The following DEPDC5 variants were observed in gnomAD, a reference collection of about 807,000 sequenced individuals.
DEPDC5 encodes the protein GATOR1 complex protein DEPDC5.
In DEPDC5, 73 loss-of-function variants were observed where a neutral mutation model predicts 217.3. The ratio of observed to expected loss-of-function variants is 0.34; its 90% CI spans 0.28 to 0.41. The LOEUF (loss-of-function observed/expected upper bound fraction) is 0.41. Ranked by LOEUF, DEPDC5 falls within the 10% of genes least tolerant of loss-of-function variation. The pLI, the probability that DEPDC5 is intolerant of heterozygous loss-of-function variation, is 1.00. For missense variants in DEPDC5, 1,675 were observed against 2,070.1 expected, an observed-to-expected ratio of 0.81 and a Z score of 3.70; for synonymous variants, 733 against 756.7, an observed-to-expected ratio of 0.97 and a Z score of 0.51.
intron 8 of DEPDC5, among the ~76,000 whole-genome samples, chr22:31,783,287 A>C (rs2084645351): frequency 6.6e-6 from 1 of 152,108 alleles, no homozygotes; most frequent in African/African-American, 2.4e-5. Context: ...TTCACAATAT[A>C]TCTTGCTGCT....
At chr22:31,756,068 A>G (rs1281361611) in intron 2 of DEPDC5, among the ~76,000 whole-genome samples, 2 of 136,806 alleles carry the variant, frequency 1.5e-5, no homozygotes, top group Non-Finnish European at 3.1e-5. Flanking sequence ...GTATTTTAGT[A>G]GAGAGGGTTT....
chr22:31,905,844 G>C (rs1387870820), intron 41 of DEPDC5, 140 bp from the exon 42 acceptor site: 3 of 723,520 alleles, frequency 4.1e-6, no homozygotes, highest in Non-Finnish European at 6.8e-6. Context: ...AAAATAAGCA[G>C]CCTGCATGTG....
chr22:31,820,751 T>C (rs1380331720), intron 22 of DEPDC5, among the ~76,000 whole-genome samples: 1 of 152,236 alleles, frequency 6.6e-6, no homozygotes, highest in Non-Finnish European at 1.5e-5. Flanking sequence ...TACACTTTAT[T>C]GGAACCATAT....
intron 37 of DEPDC5, among the ~76,000 whole-genome samples, chr22:31,877,459 A>C (rs990507854): frequency 1.4e-5 from 2 of 145,926 alleles, no homozygotes; most frequent in Admixed American, 6.8e-5. Flanking sequence ...AAAAAAAAAA[A>C]AAAAAAAACA....
At chr22:31,812,975 G>A (rs1420450106) in intron 20 of DEPDC5, among the ~76,000 whole-genome samples, 1 of 152,032 alleles carries the variant, frequency 6.6e-6, no homozygotes, top group African/African-American at 2.4e-5. Flanking sequence ...CCCGACCCCA[G>A]GTGATCCACC....
chr22:31,894,482 G>C (rs2093506890), intron 39 of DEPDC5: 1 of 152,052 alleles, frequency 6.6e-6, no homozygotes, highest in African/African-American at 2.4e-5. Flanking sequence ...CCAGTCCCCT[G>C]TTAATAAACA....
chr22:31,832,977 C>G (rs1273756895), intron 24 of DEPDC5, among the ~76,000 whole-genome samples: 1 of 152,140 alleles, frequency 6.6e-6, no homozygotes, highest in East Asian at 1.9e-4. Context: ...CTTTTACCTC[C>G]TATCCCTTCC....
chr22:31,820,517 A>C (rs1020206065), intron 22 of DEPDC5, among the ~76,000 whole-genome samples: 2 of 152,180 alleles, frequency 1.3e-5, no homozygotes, highest in Non-Finnish European at 2.9e-5. Flanking sequence ...ATAAGTGAGA[A>C]ATAGATCTGA....
At chr22:31,881,962 GAAA>G (rs530475337) in intron 38 of DEPDC5, among the ~76,000 whole-genome samples, 4 of 101,758 alleles carry the variant, frequency 3.9e-5, no homozygotes, top group Admixed American at 1.1e-4. Context: ...GACTCCATCT[GAAA>G]AAAAAAAAAA....
intron 31 of DEPDC5, among the ~76,000 whole-genome samples, chr22:31,856,155 G>GCGCGCACACACACACACA (rs1226909374): frequency 2.1e-5 from 3 of 140,568 alleles, no homozygotes; most frequent in African/African-American, 8.0e-5. Context: ...GGGCCAACGC[G>GCGCGCACACACACACACA]CACACACACA....
rs751819239 is a variant in DEPDC5 at position 31,893,765 on chromosome 22, T to C, written c.4203+14T>C. ...CTCTTCGAGATGGTGAGAACCTTCA[T>C]GCATGTTGTCAGGCCTTTGGCTCAC... On this transcript the variant is annotated intron_variant, in intron 39 of 42. Coordinates refer to ENST00000651528, the MANE Select transcript of DEPDC5 (RefSeq NM_001242896.3). The C allele has an allele frequency of 1.3e-6, 2 of 1,585,860 alleles. No homozygotes were observed. The highest frequency in any genetic ancestry group is 4.6e-5 in the East Asian group (2 of 43,560).
At chr22:31,804,584 C>T (rs1033577755) in intron 16 of DEPDC5, among the ~76,000 whole-genome samples, 2 of 152,156 alleles carry the variant, frequency 1.3e-5, no homozygotes, top group African/African-American at 2.4e-5. Flanking sequence ...TGATTACAGG[C>T]GCCTGCCACC....
chr22:31,818,967 T>G, intron 21 of DEPDC5, 55 bp from the exon 22 acceptor site: 1 of 1,589,654 alleles, frequency 6.3e-7, no homozygotes, highest in Non-Finnish European at 8.6e-7. Flanking sequence ...CTAGCTCTGG[T>G]TTCACTGTGG....
rs1438275447 is a variant in DEPDC5 at position 31,801,789 on chromosome 22, CTA to C, written c.947-913_947-912del. On this transcript the variant is annotated intron_variant, in intron 14 of 42. Coordinates refer to ENST00000651528, the MANE Select transcript of DEPDC5 (RefSeq NM_001242896.3). ...GAAGTGATGATACGCGTACACATCACTATGTATATCATCTTCCCACATGTCTG... is the reference window on the plus strand; with the variant it reads ...GAAGTGATGATACGCGTACACATCACTGTATATCATCTTCCCACATGTCTG... 2.0e-5 allele frequency among the ~76,000 whole-genome samples: 3 copies of C among 152,140 alleles called. No homozygotes were observed. In the East Asian group the frequency reaches 5.8e-4, roughly 29 times the overall value.
At chr22:31,770,429 G>A (rs2083238010) in intron 7 of DEPDC5, among the ~76,000 whole-genome samples, 1 of 151,008 alleles carries the variant, frequency 6.6e-6, no homozygotes, top group Non-Finnish European at 1.5e-5. Context: ...CACCCAGGCT[G>A]GAGTGCAGTG....
chr22:31,765,140 G>T, intron 5 of DEPDC5, 80 bp downstream of exon 5: 3 of 1,111,074 alleles, frequency 2.7e-6, no homozygotes, highest in Non-Finnish European at 4.1e-6. Context: ...GAAACAATGG[G>T]TTACTTAAGT....
intron 38 of DEPDC5, among the ~76,000 whole-genome samples, chr22:31,892,647 G>A (rs1569220638): frequency 6.6e-6 from 1 of 152,178 alleles, no homozygotes. Flanking sequence ...TCACGCTACT[G>A]CACTCCAGCC....
At position 31,870,596 on chromosome 22, in the gene DEPDC5, G is replaced by T; in HGVS notation, c.3337G>T (p.Val1113Leu). The change falls in exon 34 of 43, where the codon GTG (valine) becomes TTG (leucine). Residue 1113 changes from valine to leucine, a missense_variant. By Grantham distance (32) the Val-to-Leu change is conservative. This residue lies in a region of DEPDC5 where 126 missense variants were observed against 113.8 expected (regional missense o/e 1.11). Coordinates refer to ENST00000651528, the MANE Select transcript of DEPDC5 (RefSeq NM_001242896.3). ...ATTTTTAAATCTCCTGCAGGTATCT[G>T]TGGACCAAACAGCCACTCCTATGTT... ...ASSAFYPQVS[V>L]DQTATPMLDG... 1 of 1,530,068 alleles carries T rather than the reference G, an allele frequency of 6.5e-7. No individual in the cohort carries two copies. The highest frequency in any genetic ancestry group is 8.8e-7 in the Non-Finnish European group (1 of 1,141,458). The allele number at this position is 1,530,068 out of a possible 1,614,324, so 94.8% of individuals were successfully genotyped here.
intron 33 of DEPDC5, 89 bp from the exon 34 acceptor site, chr22:31,870,501 A>G (rs2092810597): frequency 7.5e-7 from 1 of 1,327,240 alleles, no homozygotes; most frequent in African/African-American, 1.5e-5. Context: ...GTGAATGCTT[A>G]CTGAGTGAAT....
Sources: allele counts gnomAD v4.1 joint callset (sites outside exome capture counted in the v4.1 genomes callset), GRCh38; gene constraint gnomAD v4.1.1; regional missense constraint gnomAD v4.1.1; transcripts MANE v1.5; gene names NCBI Gene and HGNC (gene_info 2026-07-23, HGNC 2026-07-21).